CFAP54: variants seen among roughly 807,000 people sequenced by gnomAD.
The protein encoded by CFAP54 is cilia and flagella associated protein 54.
CFAP54 carries 290 observed loss-of-function variants against 370.4 expected under a neutral mutation model. The observed-to-expected ratio is 0.78, with a 90% confidence interval of 0.71 to 0.86. The LOEUF (loss-of-function observed/expected upper bound fraction) is 0.86. CFAP54 is among the 40% of genes least tolerant of loss of function. The probability of loss-of-function intolerance (pLI) is 0.00; values close to 1 mark genes in which losing one functional copy is unlikely to be tolerated. For synonymous variants in CFAP54, 1,206 were observed against 1,236.5 expected, an observed-to-expected ratio of 0.98 and a Z score of 0.52; for missense variants, 3,399 against 3,528.7, an observed-to-expected ratio of 0.96 and a Z score of 0.93.
intron 35 of CFAP54, 71 bp downstream of exon 35, chr12:96,650,143 A>G: frequency 7.8e-7 from 1 of 1,277,550 alleles, no homozygotes; most frequent in Non-Finnish European, 1.1e-6. Context: ...CGTTTAAGAT[A>G]CATTGTGTTT....
rs560762665 is a variant in CFAP54 at position 96,742,195 on chromosome 12, G to C, written c.7072-244G>C. Among the ~76,000 whole-genome samples, 18 of 152,262 alleles carry C rather than the reference G, an allele frequency of 1.2e-4. No individual in the cohort carries two copies. In the South Asian group the frequency reaches 3.7e-3, roughly 32 times the overall value. On this transcript the variant is annotated intron_variant, in intron 51 of 67. Coordinates refer to ENST00000524981, the MANE Select transcript of CFAP54 (RefSeq NM_001306084.2). Reference sequence around the variant, plus strand: ...AAAACTATTTTTCAACAATGGGTACGGAGAGAAAAGGAAAGCTGAAAAGCA... The same window carrying C: ...AAAACTATTTTTCAACAATGGGTACCGAGAGAAAAGGAAAGCTGAAAAGCA...
chr12:96,505,254 G>A (rs1297854668), intron 3 of CFAP54, among the ~76,000 whole-genome samples: 1 of 151,440 alleles, frequency 6.6e-6, no homozygotes, highest in Admixed American at 6.6e-5. Context: ...AGTAGAGATG[G>A]GGTTTCACCA....
intron 6 of CFAP54, among the ~76,000 whole-genome samples, chr12:96,521,310 A>G (rs1955309445): frequency 6.6e-6 from 1 of 152,212 alleles, no homozygotes; most frequent in Non-Finnish European, 1.5e-5. Context: ...TAATGGTGAT[A>G]TGATTAAATA....
At chr12:96,746,964 T>C (rs1225228380) in intron 55 of CFAP54, among the ~76,000 whole-genome samples, 3 of 152,210 alleles carry the variant, frequency 2.0e-5, no homozygotes, top group African/African-American at 7.2e-5. Context: ...CAAGACTGGG[T>C]GATGTGCTTC....
At chr12:96,559,202 C>T (rs543107957) in intron 17 of CFAP54, among the ~76,000 whole-genome samples, 9 of 151,788 alleles carry the variant, frequency 5.9e-5, no homozygotes, top group East Asian at 1.9e-4. Context: ...GGTGACAGGG[C>T]GAGGCTCCAT....
At chr12:96,613,683 G>A (rs891508463) in intron 26 of CFAP54, among the ~76,000 whole-genome samples, 4 of 151,758 alleles carry the variant, frequency 2.6e-5, no homozygotes, top group Non-Finnish European at 4.4e-5. Flanking sequence ...ATGATAAAGG[G>A]GATATCACCA....
intron 32 of CFAP54, among the ~76,000 whole-genome samples, chr12:96,631,699 A>G (rs1189733887): frequency 6.7e-6 from 1 of 149,266 alleles, no homozygotes; most frequent in African/African-American, 2.4e-5. Flanking sequence ...ATGCATAAAC[A>G]ATATATATTA....
intron 67 of CFAP54, among the ~76,000 whole-genome samples, chr12:96,868,448 G>A (rs1960064430): frequency 7.6e-6 from 1 of 130,944 alleles, no homozygotes; most frequent in African/African-American, 2.7e-5. Context: ...TTTTTTTTGA[G>A]ATTTCCAAGA....
chr12:96,492,994 C>CA (rs11362891), intron 1 of CFAP54, among the ~76,000 whole-genome samples: 1,758 of 113,472 alleles, frequency 0.015, 45 homozygotes, highest in African/African-American at 0.047. Context: ...GACTCTGTCT[C>CA]AAAAAAAAAA....
chr12:96,542,666 G>A (rs543807133), intron 14 of CFAP54, among the ~76,000 whole-genome samples: 2 of 152,128 alleles, frequency 1.3e-5, no homozygotes. Flanking sequence ...GTGTATGTGT[G>A]TATCTAACTA....
intron 20 of CFAP54, 113 bp from the exon 21 acceptor site, chr12:96,580,484 G>C: frequency 3.5e-6 from 2 of 567,666 alleles, no homozygotes; most frequent in Non-Finnish European, 5.7e-6. Flanking sequence ...TTGTAAACTT[G>C]GATTTCATGT....
Position 96,506,943 on chromosome 12 carries a change from G to A in CFAP54, c.583G>A (p.Gly195Ser). The change falls in exon 4 of 68, where the codon GGC becomes AGC. Residue 195 changes from glycine (G) to serine (S), a missense_variant. Physicochemically the swap from Gly to Ser is moderately conservative, Grantham distance 56. Transcript: ENST00000524981. Reference protein sequence around the residue: ...TAGLTFHALSGKNMCNYQLVC... With the variant: ...TAGLTFHALSSKNMCNYQLVC... ...TGTGTTTCAGTTTCATGCTTTGAGT[G>A]GCAAAAATATGTGCAACTACCAGCT... 2 of 1,527,072 alleles carry A rather than the reference G, an allele frequency of 1.3e-6. No individual in the cohort carries two copies. The highest frequency in any genetic ancestry group is 1.7e-6 in the Non-Finnish European group (2 of 1,144,732). 94.6% of individuals were successfully genotyped at this position (1,527,072 alleles called of 1,614,324 possible). A position where few individuals can be genotyped will look rare whatever the true frequency, so the allele number is the denominator to read the frequency against.
chr12:96,803,956 A>G (rs890394875), intron 63 of CFAP54, among the ~76,000 whole-genome samples: 2 of 152,196 alleles, frequency 1.3e-5, no homozygotes, highest in Admixed American at 6.5e-5. Context: ...CCTCAATGAA[A>G]TGCAGGAAAA....
chr12:96,853,031 T>G (rs761199207), intron 66 of CFAP54, among the ~76,000 whole-genome samples: 4 of 152,104 alleles, frequency 2.6e-5, no homozygotes, highest in Non-Finnish European at 5.9e-5. Flanking sequence ...ATTGTTGAGG[T>G]ACATTATTTT....
chr12:96,870,364 A>G (rs904350917), intron 67 of CFAP54, among the ~76,000 whole-genome samples: 17 of 152,180 alleles, frequency 1.1e-4, no homozygotes, highest in African/African-American at 4.1e-4. Flanking sequence ...AGTTGTTTCC[A>G]TCAAGGAACA....
At chr12:96,857,765 G>T (rs376119815) in intron 66 of CFAP54, among the ~76,000 whole-genome samples, 1 of 152,046 alleles carries the variant, frequency 6.6e-6, no homozygotes, top group East Asian at 1.9e-4. Flanking sequence ...CTCCCACCCC[G>T]CGAAGAGGGT....
intron 17 of CFAP54, among the ~76,000 whole-genome samples, chr12:96,556,111 G>T (rs906427485): frequency 6.6e-6 from 1 of 151,790 alleles, no homozygotes. Context: ...TCTTCCAGAT[G>T]CACCAAAGAG....
At chr12:96,716,025 C>T (rs1224414647) in intron 48 of CFAP54, among the ~76,000 whole-genome samples, 1 of 152,180 alleles carries the variant, frequency 6.6e-6, no homozygotes, top group African/African-American at 2.4e-5. Flanking sequence ...TTCCCTTCAG[C>T]AGGTGACATC....
chr12:96,637,042 C>T (rs1026863255), intron 32 of CFAP54, among the ~76,000 whole-genome samples: 1 of 152,206 alleles, frequency 6.6e-6, no homozygotes, highest in African/African-American at 2.4e-5. Context: ...TTAACTATCA[C>T]TCCCTCACAT....
Sources: allele counts gnomAD v4.1 joint callset (sites outside exome capture counted in the v4.1 genomes callset), GRCh38; gene constraint gnomAD v4.1.1; transcripts MANE v1.5; gene names NCBI Gene and HGNC (gene_info 2026-07-23, HGNC 2026-07-21).